The following AKAP13 variants were observed in gnomAD, a reference collection of about 807,000 sequenced individuals.
AKAP13 encodes the protein A-kinase anchoring protein 13.
Under a neutral mutation model 264.5 loss-of-function variants are expected in AKAP13, and 80 were observed. The observed-to-expected ratio is 0.30, with a 90% CI of 0.25 to 0.36. The LOEUF (loss-of-function observed/expected upper bound fraction) is 0.36. AKAP13 is among the 10% of genes least tolerant of loss of function. The probability of loss-of-function intolerance (pLI) is 1.00; values close to 1 mark genes in which losing one functional copy is unlikely to be tolerated. For missense variants in AKAP13, 3,712 were observed against 3,435.2 expected (o/e 1.08, Z -2.01); for synonymous variants, 1,380 against 1,250.2 (o/e 1.10, Z -2.19).
chr15:85,479,714 G>T (rs1292665005), intron 1 of AKAP13, among the ~76,000 whole-genome samples: 1 of 152,174 alleles, frequency 6.6e-6, no homozygotes, highest in Non-Finnish European at 1.5e-5. Flanking sequence ...AACAGGTACA[G>T]AAGGGTTTCC....
intron 9 of AKAP13, among the ~76,000 whole-genome samples, chr15:85,639,897 T>C (rs2082230763): frequency 6.6e-6 from 1 of 152,174 alleles, no homozygotes; most frequent in South Asian, 2.1e-4. Flanking sequence ...AAAATCTTTA[T>C]AAGCTCCTTT....
chr15:85,717,242 A>T (rs1411999870), intron 20 of AKAP13, 48 bp from the exon 21 acceptor site: 2 of 1,247,868 alleles, frequency 1.6e-6, no homozygotes, highest in Non-Finnish European at 2.3e-6. Context: ...TGCAAGCCAT[A>T]GGTTATCAGA....
At chr15:85,540,513 T>G (rs1390591195) in intron 4 of AKAP13, among the ~76,000 whole-genome samples, 2 of 152,198 alleles carry the variant, frequency 1.3e-5, no homozygotes, top group Non-Finnish European at 2.9e-5. Flanking sequence ...GACAAAGGAC[T>G]CAGTTGACAC....
At chr15:85,485,272 A>G (rs1378676812) in intron 1 of AKAP13, among the ~76,000 whole-genome samples, 5 of 152,284 alleles carry the variant, frequency 3.3e-5, no homozygotes, top group African/African-American at 7.2e-5. Context: ...TGAGGAAGAG[A>G]GTTCTAGTGG....
rs758332238 is a variant in AKAP13 at position 85,581,838 on chromosome 15, A to T, written c.3770A>T (p.Asp1257Val). The change falls in exon 7 of 37, where the codon GAT becomes GTT. Residue 1257 changes from aspartate to valine, a missense_variant. Physicochemically the swap from Asp to Val is radical, Grantham distance 152. This residue lies in a region of AKAP13 where 2,759 missense variants were observed against 2,411.7 expected (regional missense o/e 1.14). Transcript: ENST00000394518. ...LIEEAASRIVDAVIEQVKAAG... is the reference protein window; with the variant it reads ...LIEEAASRIVVAVIEQVKAAG... ...GAGGAGGCTGCCAGCCGTATAGTGG[A>T]TGCTGTCATCGAACAAGTCAAGGCC... 9.3e-6 allele frequency: 15 copies of T among 1,614,210 alleles called. No homozygotes were observed. The South Asian group carries it at 1.6e-4, about 18-fold the overall frequency.
chr15:85,710,207 A>G (rs2151696108), intron 18 of AKAP13, among the ~76,000 whole-genome samples: 1 of 152,308 alleles, frequency 6.6e-6, no homozygotes. Flanking sequence ...GGCACCAGCA[A>G]TCTACTGGGG....
chr15:85,744,483 C>A, intron 36 of AKAP13, 145 bp from the exon 37 acceptor site: 1 of 839,980 alleles, frequency 1.2e-6, no homozygotes, highest in South Asian at 1.4e-5. Flanking sequence ...CAAATTTGTT[C>A]AGAAACCCCG....
chr15:85,738,518 A>C (rs2088707469), intron 33 of AKAP13, among the ~76,000 whole-genome samples: 1 of 152,192 alleles, frequency 6.6e-6, no homozygotes, highest in African/African-American at 2.4e-5. Flanking sequence ...GATAAGTAAC[A>C]TAAGTTACTT....
chr15:85,575,971 G>A (rs1248448639), intron 6 of AKAP13, among the ~76,000 whole-genome samples: 1 of 152,238 alleles, frequency 6.6e-6, no homozygotes, highest in Non-Finnish European at 1.5e-5. Context: ...GGGTGACAGA[G>A]CAAGACCTTG....
chr15:85,464,974 T>G (rs1214527001), intron 1 of AKAP13, among the ~76,000 whole-genome samples: 1 of 152,236 alleles, frequency 6.6e-6, no homozygotes. Context: ...GGAGCCTTGC[T>G]CTGTCGCCCA....
chr15:85,480,554 TTTA>T (rs2151043652), intron 1 of AKAP13, among the ~76,000 whole-genome samples: 1 of 152,108 alleles, frequency 6.6e-6, no homozygotes, highest in South Asian at 2.1e-4. Flanking sequence ...TTGAATTTGA[TTTA>T]TTGTCTAGAG....
intron 5 of AKAP13, among the ~76,000 whole-genome samples, chr15:85,572,046 CAAGGTT>C (rs1255485907): frequency 6.6e-6 from 1 of 152,062 alleles, no homozygotes; most frequent in Non-Finnish European, 1.5e-5. Flanking sequence ...AGGGATTTCC[CAAGGTT>C]TAGATATTAG....
chr15:85,662,509 A>C, intron 12 of AKAP13: 1 of 1,606,414 alleles, frequency 6.2e-7, no homozygotes, highest in African/African-American at 1.3e-5. Flanking sequence ...ATACGCCATC[A>C]GGGCTTTTGG....
intron 5 of AKAP13, among the ~76,000 whole-genome samples, chr15:85,551,977 T>C (rs1296532369): frequency 1.3e-5 from 2 of 152,308 alleles, no homozygotes; most frequent in East Asian, 3.9e-4. Context: ...ATAGAAGTGA[T>C]TGGGGAAACA....
Position 85,684,893 on chromosome 15 carries a change from T to C in AKAP13, c.5289+20T>C. The C allele has an allele frequency of 1.9e-6, 3 of 1,612,222 alleles. No individual in the cohort carries two copies. The highest frequency in any genetic ancestry group is 2.5e-6 in the Non-Finnish European group (3 of 1,179,270). On this transcript the variant is annotated intron_variant, in intron 16 of 36. Transcript: ENST00000394518. ...AGCAAAGTGAGTATCACTGTGGGCA[T>C]TGCTTGTGATCACCTCAGTAGGATC...
intron 4 of AKAP13, among the ~76,000 whole-genome samples, chr15:85,542,629 C>T (rs2077611851): frequency 6.6e-6 from 1 of 152,186 alleles, no homozygotes; most frequent in Admixed American, 6.5e-5. Flanking sequence ...GGGTGCCATT[C>T]CCAGCTCCCT....
intron 20 of AKAP13, chr15:85,717,034 C>A: frequency 2.5e-6 from 1 of 397,534 alleles, no homozygotes; most frequent in Non-Finnish European, 4.5e-6. Context: ...AAGAAAGTTC[C>A]CCTTGCTTCT....
At chr15:85,683,526 CACAA>C (rs1206504750) in intron 15 of AKAP13, 1 of 152,190 alleles carries the variant, frequency 6.6e-6, no homozygotes, top group African/African-American at 2.4e-5. Context: ...AGTGCACTGG[CACAA>C]ACAATCTCGG....
chr15:85,381,855 T>C (rs2070295561), intron 1 of AKAP13: 1 of 152,216 alleles, frequency 6.6e-6, no homozygotes, highest in Non-Finnish European at 1.5e-5. Context: ...GTTTTATTTT[T>C]AGAAGAAGCA....
Sources: gnomAD v4.1 joint callset for allele counts (sites outside exome capture counted in the v4.1 genomes callset) on GRCh38, gnomAD v4.1.1 for gene constraint, gnomAD v4.1.1 regional missense constraint, MANE v1.5 for transcripts, NCBI Gene and HGNC (gene_info 2026-07-23, HGNC 2026-07-21) for gene names.